Variants in UNC5D observed in about 807,000 individuals in gnomAD.
UNC5D encodes netrin receptor UNC5D.
Under a neutral mutation model 105.4 loss-of-function variants are expected in UNC5D, and 39 were observed. That is an observed-to-expected ratio of 0.37 (90% CI 0.29 to 0.48). The LOEUF is 0.48. Ranked by LOEUF, UNC5D falls within the 20% of genes least tolerant of loss-of-function variation. The pLI is 0.98. For synonymous variants in UNC5D, 452 were observed against 450.4 expected, an observed-to-expected ratio of 1.00 and a Z score of -0.04; for missense variants, 991 against 1,202.4, an observed-to-expected ratio of 0.82 and a Z score of 2.60.
At chr8:35,568,978 C>G (rs1461424858) in intron 3 of UNC5D, among the ~76,000 whole-genome samples, 1 of 149,862 alleles carries the variant, frequency 6.7e-6, no homozygotes, top group Non-Finnish European at 1.5e-5. Context: ...ACCTACTGTT[C>G]AATCTCTTCT....
At chr8:35,404,662 A>T (rs1804688094) in intron 1 of UNC5D, among the ~76,000 whole-genome samples, 1 of 151,864 alleles carries the variant, frequency 6.6e-6, no homozygotes. Flanking sequence ...ATCTCGACTC[A>T]CTGCAACCTC....
At chr8:35,445,138 C>T (rs10107742) in intron 1 of UNC5D, among the ~76,000 whole-genome samples, 30,450 of 151,744 alleles carry the variant, frequency 0.2, 4,249 homozygotes, top group African/African-American at 0.4. Flanking sequence ...CAACTTCCTG[C>T]CTCCCTGTCT....
In UNC5D at chr8:35,601,310, A is replaced by G. The variant is rs926823855; in HGVS notation, c.570+5653A>G. ...TCTTTTTTGGTTCCATATGAACTTT[A>G]AAGTAGTTTTTTCCAATTCTGTGAA... On this transcript the variant is annotated intron_variant, in intron 4 of 16. Coordinates refer to ENST00000404895, the MANE Select transcript of UNC5D (RefSeq NM_080872.4). Among the ~76,000 whole-genome samples the G allele has an allele frequency of 2.6e-5, 4 of 152,164 alleles. No individual in the cohort carries two copies. In the South Asian group the frequency reaches 8.3e-4, roughly 31 times the overall value.
At chr8:35,648,998 C>T (rs1011392363) in intron 4 of UNC5D, among the ~76,000 whole-genome samples, 3 of 152,048 alleles carry the variant, frequency 2.0e-5, no homozygotes, top group African/African-American at 7.2e-5. Context: ...ATGTCAAGAA[C>T]AAAAATAATT....
chr8:35,359,161 C>A (rs1394913972), intron 1 of UNC5D, among the ~76,000 whole-genome samples: 3 of 152,192 alleles, frequency 2.0e-5, no homozygotes, highest in African/African-American at 7.2e-5. Context: ...AAAAAACAGA[C>A]AAAAACAGAT....
At chr8:35,739,212 A>T (rs1293905372) in intron 11 of UNC5D, among the ~76,000 whole-genome samples, 2 of 152,064 alleles carry the variant, frequency 1.3e-5, no homozygotes, top group African/African-American at 4.8e-5. Flanking sequence ...TGAAGATTGT[A>T]CTCTATTCCC....
intron 1 of UNC5D, among the ~76,000 whole-genome samples, chr8:35,397,825 C>T (rs972161288): frequency 6.6e-6 from 1 of 152,182 alleles, no homozygotes; most frequent in African/African-American, 2.4e-5. Context: ...GAGCCTGAGA[C>T]TTTTTCTTGA....
At chr8:35,413,434 T>G (rs1185270924) in intron 1 of UNC5D, among the ~76,000 whole-genome samples, 1 of 151,468 alleles carries the variant, frequency 6.6e-6, no homozygotes, top group Non-Finnish European at 1.5e-5. Flanking sequence ...ATTAAGAATA[T>G]AGCCAGAAGC....
rs1265465060 is a variant in UNC5D at position 35,776,127 on chromosome 8, T to G, written c.2657+1650T>G. ...ATATAACACGGTTAAAAAAGAACAG[T>G]GAACAGGGACTCAGAAGATCTGCAT... On this transcript the variant is annotated intron_variant, in intron 16 of 16. Transcript: ENST00000404895. 4.6e-5 allele frequency among the ~76,000 whole-genome samples: 7 copies of G among 152,174 alleles called. No homozygotes were observed. In the East Asian group the frequency reaches 1.4e-3, roughly 29 times the overall value.
At chr8:35,690,386 T>C (rs1217390030) in intron 7 of UNC5D, among the ~76,000 whole-genome samples, 1 of 151,992 alleles carries the variant, frequency 6.6e-6, no homozygotes, top group Non-Finnish European at 1.5e-5. Context: ...CCCAACACTT[T>C]GGGAGGCCAG....
At chr8:35,678,778 T>C (rs1825452438) in intron 4 of UNC5D, among the ~76,000 whole-genome samples, 1 of 152,210 alleles carries the variant, frequency 6.6e-6, no homozygotes, top group African/African-American at 2.4e-5. Context: ...TTTTTCTCTT[T>C]CCTCCTTGCA....
At chr8:35,489,158 T>C (rs1183927894) in intron 1 of UNC5D, among the ~76,000 whole-genome samples, 2 of 151,978 alleles carry the variant, frequency 1.3e-5, no homozygotes, top group African/African-American at 4.8e-5. Flanking sequence ...AAGTCCGTGC[T>C]GCCACATCCC....
rs545894513 is a variant in UNC5D, at chr8:35,746,791, G to A, written c.1767-1736G>A. Among the ~76,000 whole-genome samples the A allele has an allele frequency of 3.3e-5, 5 of 152,220 alleles. No homozygotes were observed. In the South Asian group the frequency reaches 1.0e-3, roughly 32 times the overall value. On this transcript the variant is annotated intron_variant, in intron 11 of 16. Transcript: ENST00000404895. ...AGTTCTTTTAGGAGAGCTTGTCATC[G>A]GTCACTCATAAGCATCCCTGCTATT...
In UNC5D at chr8:35,793,259, C is replaced by T. The variant is rs1803124599; in HGVS notation, c.*2696C>T. ...ACCCACATTTGTGAGATTTACAGAC[C>T]AAGGTGTGGTGGAGGAGGTAGAATT... On this transcript the variant is annotated 3_prime_UTR_variant, in exon 17 of 17. Transcript: ENST00000404895. The T allele has an allele frequency of 2.4e-6, 1 of 413,982 alleles. No homozygotes were observed. Among genetic ancestry groups the T allele is most frequent in the African/African-American group, 2.1e-5 (1 of 48,210 alleles). The allele number at this position is 413,982 out of a possible 1,614,324, so 25.6% of individuals were successfully genotyped here.
intron 16 of UNC5D, among the ~76,000 whole-genome samples, chr8:35,779,197 C>T (rs79761884): frequency 0.042 from 6,407 of 152,136 alleles, 318 homozygotes; most frequent in African/African-American, 0.12. Context: ...GGTAGAACTG[C>T]GAAATAACGA....
intron 1 of UNC5D, among the ~76,000 whole-genome samples, chr8:35,461,856 G>C (rs1465115225): frequency 6.6e-6 from 1 of 152,148 alleles, no homozygotes; most frequent in Non-Finnish European, 1.5e-5. Flanking sequence ...ATATATAAAA[G>C]ACTGAAAATA....
intron 1 of UNC5D, among the ~76,000 whole-genome samples, chr8:35,494,517 A>G (rs1811423587): frequency 6.6e-6 from 1 of 152,184 alleles, no homozygotes; most frequent in Admixed American, 6.6e-5. Flanking sequence ...TATTCATTTT[A>G]CAGATAGAAA....
chr8:35,657,725 A>T (rs1823864369), intron 4 of UNC5D, among the ~76,000 whole-genome samples: 1 of 152,158 alleles, frequency 6.6e-6, no homozygotes, highest in Admixed American at 6.5e-5. Flanking sequence ...ACCTCAAGTG[A>T]TCCTCCTACA....
intron 1 of UNC5D, among the ~76,000 whole-genome samples, chr8:35,250,492 GT>G (rs1390438031): frequency 6.6e-6 from 1 of 151,964 alleles, no homozygotes; most frequent in Non-Finnish European, 1.5e-5. Flanking sequence ...GTACCCAATA[GT>G]TAGTTTGTTT....
Sources: gnomAD v4.1 joint callset for allele counts (sites outside exome capture counted in the v4.1 genomes callset) on GRCh38, gnomAD v4.1.1 for gene constraint, MANE v1.5 for transcripts, NCBI Gene and HGNC (gene_info 2026-07-23, HGNC 2026-07-21) for gene names.